The following CDH19 variants were observed in gnomAD, a reference collection of about 807,000 sequenced individuals.
The protein encoded by CDH19 is cadherin-19.
A neutral mutation model predicts 64.2 loss-of-function variants in CDH19; 67 were observed. That is an observed-to-expected ratio of 1.04 (90% CI 0.86 to 1.28). The LOEUF is 1.28. Ranked by LOEUF, CDH19 falls within the 50% of genes most tolerant of loss-of-function variation. The pLI is 0.00. For missense variants in CDH19, 1,030 were observed against 929.0 expected, an observed-to-expected ratio of 1.11 and a Z score of -1.41; for synonymous variants, 346 against 319.3, an observed-to-expected ratio of 1.08 and a Z score of -0.89.
At chr18:66,590,580 C>G (rs1386805667) in intron 1 of CDH19, among the ~76,000 whole-genome samples, 6 of 150,576 alleles carry the variant, frequency 4.0e-5, no homozygotes, top group African/African-American at 1.2e-4. Flanking sequence ...ATTTATAGAA[C>G]AGTGTTTTTC....
intron 5 of CDH19, 71 bp from the exon 6 acceptor site, chr18:66,544,974 T>C (rs937285168): frequency 8.0e-6 from 9 of 1,129,814 alleles, no homozygotes; most frequent in Non-Finnish European, 1.1e-5. Context: ...TAGTTTTTTG[T>C]TTGTTTGTTT....
chr18:66,581,712 C>T (rs1988426104), intron 1 of CDH19, among the ~76,000 whole-genome samples: 1 of 152,084 alleles, frequency 6.6e-6, no homozygotes, highest in Non-Finnish European at 1.5e-5. Context: ...GAAGGCTGCA[C>T]TGTTGGCCTC....
chr18:66,544,272 A>T (rs1987015503), intron 6 of CDH19, 48 bp from the exon 7 acceptor site: 1 of 1,550,580 alleles, frequency 6.4e-7, no homozygotes, highest in African/African-American at 1.4e-5. Context: ...TAGTAACCCA[A>T]GATACTATTT....
intron 5 of CDH19, among the ~76,000 whole-genome samples, chr18:66,547,327 T>C (rs1412191970): frequency 1.3e-5 from 2 of 152,020 alleles, no homozygotes; most frequent in Non-Finnish European, 2.9e-5. Context: ...TATGCGTGTG[T>C]GTGTATGTGT....
intron 9 of CDH19, among the ~76,000 whole-genome samples, chr18:66,517,836 A>C (rs1414983418): frequency 7.2e-6 from 1 of 138,192 alleles, no homozygotes; most frequent in Non-Finnish European, 1.7e-5. Context: ...ATTATATCAA[A>C]TAAACATTAC....
intron 1 of CDH19, 23 bp from the exon 2 acceptor site, chr18:66,572,339 A>G (rs1988134138): frequency 5.7e-6 from 3 of 523,786 alleles, no homozygotes; most frequent in African/African-American, 3.8e-5. Flanking sequence ...AAACAAAACA[A>G]AATTTGACAT....
intron 1 of CDH19, among the ~76,000 whole-genome samples, chr18:66,594,534 G>A (rs12966017): frequency 0.34 from 51,257 of 151,682 alleles, 10,066 homozygotes; most frequent in Non-Finnish European, 0.45. Flanking sequence ...TTCTCAACAT[G>A]TTCAAAAAGC....
At chr18:66,603,298 C>T (rs1441123400) in intron 1 of CDH19, among the ~76,000 whole-genome samples, 2 of 150,982 alleles carry the variant, frequency 1.3e-5, no homozygotes, top group South Asian at 2.1e-4. Context: ...TTACAGTATG[C>T]ATTTTCCTAA....
At chr18:66,505,735 GAAC>G (rs1342920214) in intron 11 of CDH19, among the ~76,000 whole-genome samples, 2 of 151,426 alleles carry the variant, frequency 1.3e-5, no homozygotes, top group Non-Finnish European at 2.9e-5. Context: ...TAGTAGTTCA[GAAC>G]AACAGAACAG....
chr18:66,581,540 C>T (rs964623795), intron 1 of CDH19, among the ~76,000 whole-genome samples: 6 of 152,056 alleles, frequency 3.9e-5, no homozygotes, highest in African/African-American at 1.4e-4. Context: ...ATGGCTAGAA[C>T]AAAGCAGGTG....
intron 9 of CDH19, among the ~76,000 whole-genome samples, chr18:66,516,056 T>TG (rs1012345470): frequency 1.4e-4 from 21 of 151,872 alleles, no homozygotes; most frequent in African/African-American, 4.3e-4. Context: ...ACTTAAATAT[T>TG]GGGGGGTCAG....
chr18:66,505,071 T>C lies in CDH19; in HGVS notation c.2060A>G (p.Gln687Arg). Residue 687 changes from glutamine (Q) to arginine (R), a missense_variant, in exon 12 of 12, where the codon CAA becomes CGA. Gln to Arg is a conservative substitution (Grantham distance 43). Transcript: ENST00000262150. ...EIRSLYRQSL[Q>R]VGPDSAIFRK... ...GAATATGGCACTGTCGGGGCCAACT[T>C]GCAAAGACTGCCTGTATAGGCTCCT... The C allele has an allele frequency of 6.2e-7, 1 of 1,613,742 alleles. No individual in the cohort carries two copies. The highest frequency in any genetic ancestry group is 2.2e-5 in the East Asian group (1 of 44,844).
chr18:66,594,408 A>G (rs1415958899), intron 1 of CDH19, among the ~76,000 whole-genome samples: 2 of 152,082 alleles, frequency 1.3e-5, no homozygotes, highest in Non-Finnish European at 2.9e-5. Flanking sequence ...CACTTTACCA[A>G]ATGGAACTAA....
chr18:66,555,117 C>T (rs1427111877), intron 3 of CDH19, among the ~76,000 whole-genome samples: 4 of 151,688 alleles, frequency 2.6e-5, no homozygotes, highest in Non-Finnish European at 5.9e-5. Flanking sequence ...TAAGCATTCT[C>T]ATTAAAATTC....
intron 3 of CDH19, among the ~76,000 whole-genome samples, chr18:66,568,111 G>C (rs1284775365): frequency 6.6e-6 from 1 of 151,638 alleles, no homozygotes; most frequent in Non-Finnish European, 1.5e-5. Flanking sequence ...TTTTGAAAAA[G>C]AAATTCTTGT....
Position 66,551,127 on chromosome 18 carries a change from C to A in CDH19, c.742G>T (p.Asp248Tyr). 6.2e-7 allele frequency: 1 copy of A among 1,605,214 alleles called. No homozygotes were observed. Among genetic ancestry groups the A allele is most frequent in the Non-Finnish European group, 8.5e-7 (1 of 1,172,870 alleles). Residue 248 changes from aspartate to tyrosine, a missense_variant, in exon 5 of 12, where the codon GAT (aspartate) becomes TAT (tyrosine). Physicochemically the swap from Asp to Tyr is radical, Grantham distance 160. Coordinates refer to ENST00000262150, the MANE Select transcript of CDH19 (RefSeq NM_021153.4). The stretch of plus-strand genomic sequence containing the variant: ...AATATAGGCTTATTGTCATTAACAT[C>A]TGAAAGTTTAATTAATACACTTGTT... Reference protein sequence around the residue: ...GTTSVLIKLSDVNDNKPIFKE... With the variant: ...GTTSVLIKLSYVNDNKPIFKE...
At chr18:66,585,359 G>C (rs571565780) in intron 1 of CDH19, among the ~76,000 whole-genome samples, 1 of 152,174 alleles carries the variant, frequency 6.6e-6, no homozygotes. Flanking sequence ...ATGTTCTAAA[G>C]ACAGTTTGCT....
At chr18:66,510,763 A>G (rs1470326835) in intron 10 of CDH19, among the ~76,000 whole-genome samples, 1 of 151,224 alleles carries the variant, frequency 6.6e-6, no homozygotes, top group African/African-American at 2.4e-5. Context: ...TCCCCGGGGG[A>G]ATTTGACGAG....
intron 1 of CDH19, among the ~76,000 whole-genome samples, chr18:66,579,586 A>T (rs1205464492): frequency 6.6e-6 from 1 of 152,024 alleles, no homozygotes; most frequent in Non-Finnish European, 1.5e-5. Context: ...CACAAAATTG[A>T]TCTAGTTTAT....
Sources: gnomAD v4.1 joint callset for allele counts (sites outside exome capture counted in the v4.1 genomes callset) on GRCh38, gnomAD v4.1.1 for gene constraint, MANE v1.5 for transcripts, NCBI Gene and HGNC (gene_info 2026-07-23, HGNC 2026-07-21) for gene names.